The following UGT1A8 variants were observed in gnomAD, a reference collection of about 807,000 sequenced individuals.
UGT1A8 encodes UDP glucuronosyltransferase family 1 member A8, also known as UDP-glucuronosyltransferase 1A8.
A neutral mutation model predicts 45.3 loss-of-function variants in UGT1A8; 39 were observed. That is an observed-to-expected ratio of 0.86 (90% CI 0.67 to 1.12). The LOEUF (loss-of-function observed/expected upper bound fraction) is 1.12. Ranked by LOEUF, UGT1A8 falls within the 50% of genes most tolerant of loss-of-function variation. The pLI, the probability that UGT1A8 is intolerant of heterozygous loss-of-function variation, is 0.00. For missense variants in UGT1A8, 719 were observed against 664.9 expected (o/e 1.08, Z -0.90); for synonymous variants, 275 against 249.2 (o/e 1.10, Z -0.97).
chr2:233,729,114 G>T (rs1215880389), intron 1 of UGT1A8: 1 of 1,612,830 alleles, frequency 6.2e-7, no homozygotes. Context: ...AGCTGTCCGT[G>T]TCTTCTGCTG....
At chr2:233,626,319 T>C (rs2073083163) in intron 1 of UGT1A8, among the ~76,000 whole-genome samples, 1 of 151,990 alleles carries the variant, frequency 6.6e-6, no homozygotes, top group Non-Finnish European at 1.5e-5. Context: ...TTTTTTTTTC[T>C]GGCACTGCTT....
At chr2:233,621,585 T>C (rs1393794122) in intron 1 of UGT1A8, among the ~76,000 whole-genome samples, 2 of 152,182 alleles carry the variant, frequency 1.3e-5, no homozygotes, top group African/African-American at 4.8e-5. Flanking sequence ...TTCAAAGTTT[T>C]CCAACCTATA....
chr2:233,760,063 T>C (rs1697313793), intron 1 of UGT1A8, among the ~76,000 whole-genome samples: 1 of 152,194 alleles, frequency 6.6e-6, no homozygotes, highest in African/African-American at 2.4e-5. Flanking sequence ...GAATGTGATT[T>C]GAGTATGAAA....
At chr2:233,732,108 C>T (rs1321461905) in intron 1 of UGT1A8, among the ~76,000 whole-genome samples, 1 of 150,998 alleles carries the variant, frequency 6.6e-6, no homozygotes, top group Non-Finnish European at 1.5e-5. Context: ...TGTTCATATC[C>T]TTTGCCCACT....
chr2:233,678,087 G>T (rs2074408357), intron 1 of UGT1A8, among the ~76,000 whole-genome samples: 1 of 152,136 alleles, frequency 6.6e-6, no homozygotes, highest in African/African-American at 2.4e-5. Context: ...AAATACCATT[G>T]TTTTCACTTA....
At position 233,648,728 on chromosome 2, in the gene UGT1A8, T is replaced by C; in HGVS notation, c.855+30166T>C. ...ATCCGCCCGCCTTGGCCTCCCAAAG[T>C]GCTGGAATTACAGGGGTGAGCCACC... On this transcript the variant is annotated intron_variant, in intron 1 of 4. Transcript: ENST00000373450. 2 of 502,070 alleles carry C rather than the reference T, an allele frequency of 4.0e-6. 1 individual carries two copies. The highest frequency in any genetic ancestry group is 4.3e-5 in the South Asian group (2 of 46,626). The allele number at this position is 502,070 out of a possible 1,614,324, so 31.1% of individuals were successfully genotyped here.
At chr2:233,701,957 A>T (rs1342088901) in intron 1 of UGT1A8, among the ~76,000 whole-genome samples, 1 of 152,218 alleles carries the variant, frequency 6.6e-6, no homozygotes, top group Non-Finnish European at 1.5e-5. Context: ...GAGCAAACAC[A>T]TTCAAAAGCT....
intron 1 of UGT1A8, among the ~76,000 whole-genome samples, chr2:233,751,632 T>C (rs1694768911): frequency 1.3e-5 from 2 of 152,196 alleles, no homozygotes; most frequent in Non-Finnish European, 2.9e-5. Context: ...ATGTGTGCAG[T>C]TTCCCCCTTG....
At chr2:233,719,615 C>T in intron 1 of UGT1A8, 1 of 1,614,016 alleles carries the variant, frequency 6.2e-7, no homozygotes, top group Non-Finnish European at 8.5e-7. Flanking sequence ...TGATGGACTA[C>T]CCCAGGCCGA....
intron 1 of UGT1A8, among the ~76,000 whole-genome samples, chr2:233,663,172 G>A (rs947798218): frequency 3.3e-5 from 5 of 152,222 alleles, no homozygotes; most frequent in African/African-American, 1.2e-4. Flanking sequence ...GTAACCACCC[G>A]GGGGATTCAC....
intron 1 of UGT1A8, among the ~76,000 whole-genome samples, chr2:233,681,633 G>A (rs760827238): frequency 1.3e-5 from 2 of 149,978 alleles, no homozygotes; most frequent in Non-Finnish European, 2.9e-5. Flanking sequence ...TTTCAATGTC[G>A]TCAAGGCCAA....
chr2:233,700,726 TTTA>T lies in UGT1A8; in HGVS notation c.856-66297_856-66295del, dbSNP rs904006710. ...AATGTTTTTTTCTTTTTTTAAAAAT[TTTA>T]TTATTATTATACTTTAAGTTTTAGG... On this transcript the variant is annotated intron_variant, in intron 1 of 4. Coordinates refer to ENST00000373450, the MANE Select transcript of UGT1A8 (RefSeq NM_019076.5). Among the ~76,000 whole-genome samples the T allele has an allele frequency of 5.9e-5, 9 of 152,186 alleles. No individual in the cohort carries two copies. In the South Asian group the frequency reaches 6.2e-4, roughly 11 times the overall value.
chr2:233,725,023 C>G lies in UGT1A8; in HGVS notation c.856-42011C>G, dbSNP rs559276677. Among the ~76,000 whole-genome samples the G allele has an allele frequency of 5.4e-5, 8 of 148,360 alleles. 2 individuals carry two copies. The highest frequency in any genetic ancestry group is 1.2e-4 in the Non-Finnish European group (8 of 67,378). Reference sequence around the variant, plus strand: ...ACCGGCCCGGCCAAACAGCAAAACCCGGTCTCCACCAAAACCAGTCAGGCG... The same window carrying G: ...ACCGGCCCGGCCAAACAGCAAAACCGGGTCTCCACCAAAACCAGTCAGGCG... On this transcript the variant is annotated intron_variant, in intron 1 of 4. Coordinates refer to ENST00000373450, the MANE Select transcript of UGT1A8 (RefSeq NM_019076.5).
At chr2:233,648,672 G>T in intron 1 of UGT1A8, 2 of 323,756 alleles carry the variant, frequency 6.2e-6, no homozygotes, top group Admixed American at 7.1e-5. Context: ...CACCGTGTTA[G>T]CCAGGATGGT....
intron 1 of UGT1A8, among the ~76,000 whole-genome samples, chr2:233,738,158 C>T (rs1307511207): frequency 6.6e-6 from 1 of 152,194 alleles, no homozygotes; most frequent in Admixed American, 6.5e-5. Flanking sequence ...AGCTATTCCT[C>T]TTTCTCTCTT....
At chr2:233,666,329 G>T (rs943158790) in intron 1 of UGT1A8, among the ~76,000 whole-genome samples, 9 of 152,176 alleles carry the variant, frequency 5.9e-5, no homozygotes, top group African/African-American at 2.2e-4. Context: ...CACTTGATTT[G>T]GGAGGGACAG....
At chr2:233,767,550 T>C (rs2110298) in intron 2 of UGT1A8, among the ~76,000 whole-genome samples, 2,565 of 152,382 alleles carry the variant, frequency 0.017, 61 homozygotes, top group Admixed American at 0.057. Flanking sequence ...CTTATAGTTC[T>C]GCATCCACTT....
At chr2:233,766,890 A>G (rs1433588040) in intron 1 of UGT1A8, 144 bp from the exon 2 acceptor site, 1 of 1,467,048 alleles carries the variant, frequency 6.8e-7, no homozygotes, top group Non-Finnish European at 9.0e-7. Flanking sequence ...TAAAACTTAC[A>G]TATTAATAAT....
At chr2:233,620,309 G>A (rs2125447753) in intron 1 of UGT1A8, among the ~76,000 whole-genome samples, 1 of 152,316 alleles carries the variant, frequency 6.6e-6, no homozygotes, top group Admixed American at 6.5e-5. Context: ...ACGTATCAAA[G>A]CACTTTTCTC....
Sources: gnomAD v4.1 joint callset for allele counts (sites outside exome capture counted in the v4.1 genomes callset) on GRCh38, gnomAD v4.1.1 for gene constraint, MANE v1.5 for transcripts, NCBI Gene and HGNC (gene_info 2026-07-23, HGNC 2026-07-21) for gene names.